Variants in SPIRE1 observed in about 807,000 individuals in gnomAD.
SPIRE1 encodes the protein protein spire homolog 1.
A neutral mutation model predicts 94.1 loss-of-function variants in SPIRE1; 40 were observed. The ratio of observed to expected loss-of-function variants is 0.43; its 90% CI spans 0.33 to 0.55. SPIRE1 has a LOEUF of 0.55. Among genes scored for constraint, SPIRE1 ranks in the 20% least tolerant of loss-of-function variants. SPIRE1 has a pLI of 0.06. For missense variants in SPIRE1, 838 were observed against 975.2 expected (o/e 0.86, Z 1.87); for synonymous variants, 376 against 371.7 (o/e 1.01, Z -0.13).
At chr18:12,629,747 T>C (rs1184851256) in intron 2 of SPIRE1, among the ~76,000 whole-genome samples, 4 of 152,066 alleles carry the variant, frequency 2.6e-5, no homozygotes, top group African/African-American at 9.7e-5. Flanking sequence ...AAAGGTAAAT[T>C]TTACTGTATG....
intron 4 of SPIRE1, among the ~76,000 whole-genome samples, chr18:12,527,802 C>T (rs903756515): frequency 6.6e-5 from 10 of 152,148 alleles, no homozygotes; most frequent in African/African-American, 2.4e-4. Flanking sequence ...TGCAGTGGCT[C>T]ACGCCTGTAA....
At chr18:12,497,629 C>T (rs1477543182) in intron 6 of SPIRE1, among the ~76,000 whole-genome samples, 1 of 152,126 alleles carries the variant, frequency 6.6e-6, no homozygotes, top group African/African-American at 2.4e-5. Context: ...ACTGCTGCTG[C>T]TTGAGCCAAG....
intron 5 of SPIRE1, 140 bp from the exon 6 acceptor site, chr18:12,506,781 T>A: frequency 1.2e-6 from 1 of 859,604 alleles, no homozygotes; most frequent in Non-Finnish European, 1.8e-6. Flanking sequence ...AAAATTAGAT[T>A]TTGGGTACTA....
chr18:12,635,089 C>A lies in SPIRE1; in HGVS notation c.345G>T (p.Leu115Phe), dbSNP rs2037887462. 6 of 1,413,492 alleles carry A rather than the reference C, an allele frequency of 4.2e-6. No homozygotes were observed. Among genetic ancestry groups the A allele is most frequent in the Admixed American group, 4.3e-5 (2 of 45,986 alleles). 87.6% of individuals were successfully genotyped at this position (1,413,492 alleles called of 1,614,324 possible). The change falls in exon 2 of 17, where the codon TTG (leucine) becomes TTT (phenylalanine). Residue 115 changes from leucine (L) to phenylalanine (F), a missense_variant. By Grantham distance (22) the Leu-to-Phe change is conservative (BLOSUM62 0). This residue lies in a region of SPIRE1 where 645 missense variants were observed against 804.7 expected (regional missense o/e 0.80). Transcript: ENST00000409402. ...AGEPPPVAGK[L>F]GYSQCMETEV... ...CTGTTTCCATACATTGTGAATATCC[C>A]AATTTACCTGTAATAAAAATGAAAA...
intron 2 of SPIRE1, among the ~76,000 whole-genome samples, chr18:12,566,017 T>TACAAACAA (rs918240267): frequency 2.2e-5 from 3 of 136,712 alleles, no homozygotes; most frequent in South Asian, 4.7e-4. Flanking sequence ...TGGGCGACAA[T>TACAAACAA]ACAAACAAAC....
intron 2 of SPIRE1, among the ~76,000 whole-genome samples, chr18:12,609,437 GTTTT>G (rs1370218653): frequency 2.0e-5 from 3 of 151,022 alleles, no homozygotes; most frequent in African/African-American, 4.8e-5. Flanking sequence ...TGTTTGGGGG[GTTTT>G]TTGAGAGCCA....
chr18:12,465,081 G>T, intron 10 of SPIRE1, 123 bp from the exon 11 acceptor site: 1 of 817,854 alleles, frequency 1.2e-6, no homozygotes, highest in Non-Finnish European at 1.9e-6. Flanking sequence ...AAAGGTTCAA[G>T]GCAAGCAAAA....
intron 2 of SPIRE1, among the ~76,000 whole-genome samples, chr18:12,558,268 G>A (rs1034314277): frequency 4.6e-5 from 7 of 152,266 alleles, no homozygotes; most frequent in African/African-American, 1.7e-4. Context: ...CCTTTGCGGT[G>A]AGTGTTACAG....
intron 1 of SPIRE1, among the ~76,000 whole-genome samples, chr18:12,644,140 A>T (rs1316445667): frequency 6.9e-6 from 1 of 144,500 alleles, no homozygotes; most frequent in Non-Finnish European, 1.5e-5. Context: ...CGGAGGTTGC[A>T]GTGAGTTGAG....
At chr18:12,654,336 CAAAAAAAAAAAA>C (rs199897679) in intron 1 of SPIRE1, among the ~76,000 whole-genome samples, 3 of 98,978 alleles carry the variant, frequency 3.0e-5, no homozygotes, top group Non-Finnish European at 1.9e-5. Flanking sequence ...GACTCCACCT[CAAAAAAAAAAAA>C]AAAAAAAAAA....
In SPIRE1 at chr18:12,574,996, A is replaced by C. The variant is rs530169388; in HGVS notation, c.373-28092T>G. 1.7e-4 allele frequency among the ~76,000 whole-genome samples: 26 copies of C among 152,352 alleles called. No individual in the cohort carries two copies. In the South Asian group the frequency reaches 5.2e-3, roughly 30 times the overall value. On this transcript the variant is annotated intron_variant, in intron 2 of 16. Transcript: ENST00000409402. Reference sequence around the variant, plus strand: ...GACTTTGGCAAGGGCAATCTGGGTGAGTAAACAGAAATGTGTACACAGCAG... The same window carrying C: ...GACTTTGGCAAGGGCAATCTGGGTGCGTAAACAGAAATGTGTACACAGCAG...
At chr18:12,580,322 T>G (rs1325345556) in intron 2 of SPIRE1, among the ~76,000 whole-genome samples, 2 of 151,698 alleles carry the variant, frequency 1.3e-5, no homozygotes, top group Non-Finnish European at 2.9e-5. Context: ...GTGTTCTCTC[T>G]CTCTCTCTTT....
intron 1 of SPIRE1, among the ~76,000 whole-genome samples, chr18:12,652,336 A>C (rs2038402965): frequency 6.6e-6 from 1 of 152,234 alleles, no homozygotes; most frequent in African/African-American, 2.4e-5. Flanking sequence ...TTAAAACTTC[A>C]TCAACTTGTA....
At chr18:12,567,081 A>G (rs988434621) in intron 2 of SPIRE1, among the ~76,000 whole-genome samples, 1 of 152,202 alleles carries the variant, frequency 6.6e-6, no homozygotes, top group African/African-American at 2.4e-5. Flanking sequence ...ATACAAAAGA[A>G]TGAACAAAAT....
intron 1 of SPIRE1, among the ~76,000 whole-genome samples, chr18:12,641,983 C>A (rs2038099270): frequency 6.6e-6 from 1 of 151,324 alleles, no homozygotes. Context: ...AGGCACGCAC[C>A]ACCACGCCCA....
intron 2 of SPIRE1, among the ~76,000 whole-genome samples, chr18:12,548,336 T>C (rs2035232441): frequency 6.6e-6 from 1 of 152,124 alleles, no homozygotes; most frequent in Admixed American, 6.6e-5. Flanking sequence ...CTAACATGAG[T>C]TAAATACAAG....
intron 2 of SPIRE1, among the ~76,000 whole-genome samples, chr18:12,634,202 C>G (rs1363834042): frequency 1.3e-5 from 2 of 151,424 alleles, no homozygotes; most frequent in Non-Finnish European, 2.9e-5. Context: ...GAGCTGAGAT[C>G]GTGCCACTGC....
rs2031101408 is a variant in SPIRE1, at chr18:12,449,293, A to AGGAGAAGCTTTT, written c.*333_*344dup. ...GCATCTCTGTTAGACTGATTCTCGT[A>AGGAGAAGCTTTT]GGAGAAGCTTTTTTTTTTTGCCTTA... is the stretch of plus-strand genomic sequence containing the variant. On this transcript the variant is annotated 3_prime_UTR_variant, in exon 17 of 17. Transcript: ENST00000409402. 7.1e-6 allele frequency: 2 copies of AGGAGAAGCTTTT among 279,784 alleles called. No individual in the cohort carries two copies. The highest frequency in any genetic ancestry group is 4.9e-5 in the Admixed American group (1 of 20,216). 17.3% of individuals were successfully genotyped at this position (279,784 alleles called of 1,614,324 possible).
intron 4 of SPIRE1, among the ~76,000 whole-genome samples, chr18:12,527,375 A>G (rs1223336849): frequency 1.3e-5 from 2 of 152,150 alleles, no homozygotes; most frequent in Non-Finnish European, 1.5e-5. Context: ...GGGTAATACT[A>G]CCAAACTCAC....
Sources: allele counts gnomAD v4.1 joint callset (sites outside exome capture counted in the v4.1 genomes callset), GRCh38; gene constraint gnomAD v4.1.1; regional missense constraint gnomAD v4.1.1; transcripts MANE v1.5; gene names NCBI Gene and HGNC (gene_info 2026-07-23, HGNC 2026-07-21).